Variants in AUTS2 observed in about 807,000 individuals in gnomAD.
AUTS2 encodes the protein autism susceptibility gene 2 protein.
In AUTS2, 17 loss-of-function variants were observed where a neutral mutation model predicts 112.4. The ratio of observed to expected loss-of-function variants is 0.15; its 90% confidence interval spans 0.10 to 0.23. The LOEUF (loss-of-function observed/expected upper bound fraction) is 0.23. Among genes scored for constraint, AUTS2 ranks in the 10% least tolerant of loss-of-function variants. The probability of loss-of-function intolerance (pLI) is 1.00; values close to 1 mark genes in which losing one functional copy is unlikely to be tolerated. For missense variants in AUTS2, 1,510 were observed against 1,701.6 expected (o/e 0.89, Z 1.98); for synonymous variants, 751 against 702.7 (o/e 1.07, Z -1.09).
rs117043072 is a variant in AUTS2, at chr7:69,657,146, C to T, written c.309+57184C>T. ...AGCTTTCCCCTCAGAACAAAACATCCGGGCAGACAGTTGTGACAATTAAGT... is the reference window on the plus strand; with the variant it reads ...AGCTTTCCCCTCAGAACAAAACATCTGGGCAGACAGTTGTGACAATTAAGT... On this transcript the variant is annotated intron_variant, in intron 1 of 18. Transcript: ENST00000342771. 1.0e-3 allele frequency among the ~76,000 whole-genome samples: 159 copies of T among 152,248 alleles called. 2 individuals are homozygous for T. The highest frequency in any genetic ancestry group is 1.2e-3 in the Admixed American group (19 of 15,290).
intron 4 of AUTS2, among the ~76,000 whole-genome samples, chr7:70,308,177 T>C (rs1368023098): frequency 6.6e-6 from 1 of 152,200 alleles, no homozygotes; most frequent in African/African-American, 2.4e-5. Context: ...TTTTCAGATA[T>C]GGGACAACAA....
chr7:70,321,371 G>A (rs1790246045), intron 4 of AUTS2, among the ~76,000 whole-genome samples: 1 of 152,100 alleles, frequency 6.6e-6, no homozygotes, highest in Non-Finnish European at 1.5e-5. Context: ...CTTTTTCCCT[G>A]AACATTTCTT....
intron 4 of AUTS2, among the ~76,000 whole-genome samples, chr7:70,148,044 T>C (rs1484180844): frequency 2.0e-5 from 3 of 152,134 alleles, no homozygotes; most frequent in Non-Finnish European, 4.4e-5. Flanking sequence ...TGGTACTTTA[T>C]AGAGATAAAG....
At chr7:69,829,516 TACAAG>T (rs1791403727) in intron 1 of AUTS2, among the ~76,000 whole-genome samples, 1 of 152,062 alleles carries the variant, frequency 6.6e-6, no homozygotes, top group South Asian at 2.1e-4. Context: ...GTCCAGAATT[TACAAG>T]GAACTTAAAC....
chr7:70,159,090 T>G (rs1379585294), intron 4 of AUTS2, among the ~76,000 whole-genome samples: 1 of 152,190 alleles, frequency 6.6e-6, no homozygotes, highest in Non-Finnish European at 1.5e-5. Flanking sequence ...TTTAATCATC[T>G]CCTCTCTGAA....
chr7:69,933,644 C>T (rs1317688094), intron 2 of AUTS2, among the ~76,000 whole-genome samples: 1 of 152,082 alleles, frequency 6.6e-6, no homozygotes, highest in Non-Finnish European at 1.5e-5. Flanking sequence ...TTGCCACTTT[C>T]CTTTCCCTTC....
chr7:70,553,371 A>C (rs902090609), intron 5 of AUTS2, among the ~76,000 whole-genome samples: 1 of 152,178 alleles, frequency 6.6e-6, no homozygotes, highest in Non-Finnish European at 1.5e-5. Context: ...CCAGGACACC[A>C]CTGCAAGGGG....
Position 69,600,275 on chromosome 7 carries a change from T to C in AUTS2, c.309+313T>C, listed in dbSNP as rs147476731. Among the ~76,000 whole-genome samples, 909 of 152,080 alleles carry C rather than the reference T, an allele frequency of 6.0e-3. 8 individuals carry two copies. Among genetic ancestry groups the C allele is most frequent in the East Asian group, 0.016 (84 of 5,158 alleles). ...GGGCATCACAACAATGCGCCCCCTC[T>C]CCACAGAGAGCTCTGCCCCCACTCC... On this transcript the variant is annotated intron_variant, in intron 1 of 18. Transcript: ENST00000342771.
At chr7:70,205,756 A>C (rs1337229110) in intron 4 of AUTS2, among the ~76,000 whole-genome samples, 1 of 152,204 alleles carries the variant, frequency 6.6e-6, no homozygotes, top group Non-Finnish European at 1.5e-5. Flanking sequence ...CGAGACTGTA[A>C]TTGACCTAAG....
chr7:70,453,357 A>G (rs1363982055), intron 5 of AUTS2, among the ~76,000 whole-genome samples: 3 of 152,198 alleles, frequency 2.0e-5, no homozygotes, highest in Admixed American at 2.0e-4. Flanking sequence ...TGAGAGTGAA[A>G]TCTCTGTCAG....
intron 2 of AUTS2, among the ~76,000 whole-genome samples, chr7:70,020,016 G>A (rs1800201884): frequency 6.6e-6 from 1 of 152,078 alleles, no homozygotes; most frequent in African/African-American, 2.4e-5. Flanking sequence ...AGATAGATAG[G>A]GGAGAAAGGT....
At position 69,899,517 on chromosome 7, in the gene AUTS2, G is replaced by T; in HGVS notation, c.522+19G>T. On this transcript the variant is annotated intron_variant, in intron 2 of 18. Transcript: ENST00000342771. ...CAGACAGGTGAGGAAGCTTGGGTTC[G>T]CTCTTTCCTGTGGCGGCAAAATCCC... 6.2e-7 allele frequency: 1 copy of T among 1,612,280 alleles called. No homozygotes were observed. Among genetic ancestry groups the T allele is most frequent in the Non-Finnish European group, 8.5e-7 (1 of 1,178,702 alleles).
chr7:69,774,240 C>A (rs1199101947), intron 1 of AUTS2, among the ~76,000 whole-genome samples: 1 of 152,066 alleles, frequency 6.6e-6, no homozygotes, highest in African/African-American at 2.4e-5. Flanking sequence ...AGACCTCCGT[C>A]TCTTAAAAAA....
intron 6 of AUTS2, among the ~76,000 whole-genome samples, chr7:70,754,430 A>G (rs1789060101): frequency 1.3e-5 from 2 of 152,192 alleles, no homozygotes; most frequent in South Asian, 4.1e-4. Flanking sequence ...TCAAGGCTGC[A>G]GTCTGCTGTG....
In AUTS2 at chr7:70,477,085, A is replaced by G. The variant is rs1797610829; in HGVS notation, c.690+41304A>G. 2.6e-5 allele frequency among the ~76,000 whole-genome samples: 4 copies of G among 152,234 alleles called. No homozygotes were observed. The South Asian group carries it at 8.3e-4, about 32-fold the overall frequency. On this transcript the variant is annotated intron_variant, in intron 5 of 18. Transcript: ENST00000342771. ...TGTGGAAAGAAATTACTGTCCAAGTACACAATTTATTTTGACCTCCCAACA... is the reference window on the plus strand; with the variant it reads ...TGTGGAAAGAAATTACTGTCCAAGTGCACAATTTATTTTGACCTCCCAACA...
In AUTS2 at chr7:70,093,087, CT is replaced by C. The variant is rs550837048; in HGVS notation, c.523-25042del. 2.4e-4 allele frequency among the ~76,000 whole-genome samples: 37 copies of C among 152,288 alleles called. 1 individual carries two copies. In the South Asian group the frequency reaches 7.5e-3, roughly 31 times the overall value. ...CTTGTCCCTGGAGAAACAGGCATGT[CT>C]TTGTTGTCAGAGAGCTAGAGGGAAA... On this transcript the variant is annotated intron_variant, in intron 2 of 18. Coordinates refer to ENST00000342771, the MANE Select transcript of AUTS2 (RefSeq NM_015570.4).
rs1051335345 is a variant in AUTS2 at position 70,536,179 on chromosome 7, A to G, written c.690+100398A>G. Among the ~76,000 whole-genome samples, 100 of 151,778 alleles carry G rather than the reference A, an allele frequency of 6.6e-4. 1 individual carries two copies. Among genetic ancestry groups the G allele is most frequent in the Admixed American group, 6.5e-3 (99 of 15,236 alleles). On this transcript the variant is annotated intron_variant, in intron 5 of 18. Transcript: ENST00000342771. ...CCTGTCTCTACTAAAAATATAAAAT[A>G]ATTAGCCAGGTAGGCACAAGAATCA... is the stretch of plus-strand genomic sequence containing the variant.
At chr7:70,591,336 C>T (rs1802933169) in intron 5 of AUTS2, among the ~76,000 whole-genome samples, 1 of 152,236 alleles carries the variant, frequency 6.6e-6, no homozygotes, top group Non-Finnish European at 1.5e-5. Flanking sequence ...CCACACCAGG[C>T]TACTCCTTGA....
chr7:70,539,343 A>G (rs1232001009), intron 5 of AUTS2, among the ~76,000 whole-genome samples: 7 of 152,068 alleles, frequency 4.6e-5, no homozygotes, highest in Non-Finnish European at 1.0e-4. Context: ...GGTCTTGCAG[A>G]TTTTGTTGTG....
Sources: allele counts gnomAD v4.1 joint callset (sites outside exome capture counted in the v4.1 genomes callset), GRCh38; gene constraint gnomAD v4.1.1; transcripts MANE v1.5; gene names NCBI Gene and HGNC (gene_info 2026-07-23, HGNC 2026-07-21).